The following NKAIN2 variants were observed in gnomAD, a reference collection of about 807,000 sequenced individuals.
NKAIN2 encodes the protein sodium/potassium-transporting ATPase subunit beta-1-interacting protein 2.
A neutral mutation model predicts 32.6 loss-of-function variants in NKAIN2; 14 were observed. That is an observed-to-expected ratio of 0.43 (90% CI 0.28 to 0.67). The LOEUF (loss-of-function observed/expected upper bound fraction) is 0.67. Among genes scored for constraint, NKAIN2 ranks in the 30% least tolerant of loss-of-function variants. NKAIN2 has a pLI of 0.17. For synonymous variants in NKAIN2, 80 were observed against 87.2 expected (o/e 0.92, Z 0.46); for missense variants, 198 against 258.3 (o/e 0.77, Z 1.60).
At chr6:124,407,195 G>A (rs1166540168) in intron 3 of NKAIN2, among the ~76,000 whole-genome samples, 4 of 151,818 alleles carry the variant, frequency 2.6e-5, no homozygotes, top group African/African-American at 9.7e-5. Context: ...TTCTGAGCTA[G>A]TTTATTTTTA....
chr6:123,977,864 A>G (rs1452217535), intron 1 of NKAIN2, among the ~76,000 whole-genome samples: 1 of 152,166 alleles, frequency 6.6e-6, no homozygotes, highest in Non-Finnish European at 1.5e-5. Flanking sequence ...CATGGATGAA[A>G]GCACGTATTC....
Position 123,989,608 on chromosome 6 carries a change from A to G in NKAIN2, c.54+185354A>G, listed in dbSNP as rs867475576. On this transcript the variant is annotated intron_variant, in intron 1 of 6. Transcript: ENST00000368417. ...TCATTGCAATCTTTGTCTAATAATT[A>G]CTTGTCACAGTTTTAAGTTTTTGCT... is the stretch of plus-strand genomic sequence containing the variant. 2.0e-5 allele frequency among the ~76,000 whole-genome samples: 3 copies of G among 152,192 alleles called. No homozygotes were observed. The South Asian group carries it at 6.2e-4, about 31-fold the overall frequency.
rs77390914 is a variant in NKAIN2 at position 124,259,855 on chromosome 6, A to G, written c.55-23150A>G. Among the ~76,000 whole-genome samples, 61 of 152,244 alleles carry G rather than the reference A, an allele frequency of 4.0e-4. No individual in the cohort carries two copies. In the East Asian group the frequency reaches 8.5e-3, roughly 21 times the overall value. On this transcript the variant is annotated intron_variant, in intron 1 of 6. Transcript: ENST00000368417. ...TCACCTTTCATCATTCTTCAAGCTT[A>G]TATACAAAAATAGAGTGTTATGGGG...
At chr6:124,280,252 A>G (rs570728560) in intron 1 of NKAIN2, among the ~76,000 whole-genome samples, 6 of 152,308 alleles carry the variant, frequency 3.9e-5, no homozygotes, top group African/African-American at 1.2e-4. Context: ...AAACTAAACA[A>G]AAAAGGAGCT....
At chr6:124,542,609 G>A (rs753064616) in intron 3 of NKAIN2, among the ~76,000 whole-genome samples, 2 of 152,112 alleles carry the variant, frequency 1.3e-5, no homozygotes, top group Non-Finnish European at 2.9e-5. Context: ...TTAAGTTTAG[G>A]TTAGGTAAAG....
intron 1 of NKAIN2, among the ~76,000 whole-genome samples, chr6:124,234,800 C>CA (rs1248037543): frequency 6.6e-6 from 1 of 152,110 alleles, no homozygotes; most frequent in Non-Finnish European, 1.5e-5. Flanking sequence ...CTAAAACTAA[C>CA]AAAAAAGTTG....
At chr6:123,904,909 T>C (rs1245893195) in intron 1 of NKAIN2, among the ~76,000 whole-genome samples, 1 of 152,184 alleles carries the variant, frequency 6.6e-6, no homozygotes, top group Non-Finnish European at 1.5e-5. Context: ...ATCTTCATCC[T>C]CTGGGCTCAA....
At chr6:124,072,218 C>T (rs952145145) in intron 1 of NKAIN2, among the ~76,000 whole-genome samples, 3 of 152,068 alleles carry the variant, frequency 2.0e-5, no homozygotes, top group Non-Finnish European at 4.4e-5. Context: ...AACAAATTAA[C>T]ATAGGAACAG....
At chr6:124,362,312 T>C (rs964507583) in intron 3 of NKAIN2, among the ~76,000 whole-genome samples, 6 of 152,246 alleles carry the variant, frequency 3.9e-5, no homozygotes, top group Non-Finnish European at 8.8e-5. Flanking sequence ...ATTCGACCTA[T>C]TATTAATAAT....
At chr6:124,208,905 GATCAA>G (rs1366764573) in intron 1 of NKAIN2, among the ~76,000 whole-genome samples, 1 of 151,552 alleles carries the variant, frequency 6.6e-6, no homozygotes. Flanking sequence ...AATGTGCAAT[GATCAA>G]ATCAAAGTAC....
intron 3 of NKAIN2, among the ~76,000 whole-genome samples, chr6:124,649,613 AT>A: frequency 6.6e-6 from 1 of 152,302 alleles, no homozygotes; most frequent in South Asian, 2.1e-4. Flanking sequence ...AACACAGTCT[AT>A]GATGCTAGCA....
intron 4 of NKAIN2, among the ~76,000 whole-genome samples, chr6:124,701,522 A>C (rs2114570017): frequency 6.6e-6 from 1 of 152,280 alleles, no homozygotes; most frequent in South Asian, 2.1e-4. Flanking sequence ...TAAATAATAA[A>C]CTGAAAACAA....
intron 1 of NKAIN2, among the ~76,000 whole-genome samples, chr6:124,270,089 T>C (rs1485354762): frequency 5.3e-5 from 8 of 152,148 alleles, no homozygotes; most frequent in Admixed American, 5.2e-4. Context: ...GACACCAGCA[T>C]GCAGGTCACT....
At chr6:124,677,673 CAT>C (rs1190041948) in intron 4 of NKAIN2, among the ~76,000 whole-genome samples, 1 of 152,010 alleles carries the variant, frequency 6.6e-6, no homozygotes, top group Non-Finnish European at 1.5e-5. Flanking sequence ...TATCTATTAA[CAT>C]ATTTTTATAG....
At chr6:124,283,874 T>C (rs1795424591) in intron 2 of NKAIN2, among the ~76,000 whole-genome samples, 1 of 152,198 alleles carries the variant, frequency 6.6e-6, no homozygotes, top group Admixed American at 6.5e-5. Context: ...GAAATGTCTA[T>C]AGGCATTTAT....
chr6:124,319,974 G>A (rs1031174960), intron 2 of NKAIN2, among the ~76,000 whole-genome samples: 4 of 152,074 alleles, frequency 2.6e-5, no homozygotes, highest in East Asian at 1.9e-4. Context: ...AAAAAAATAC[G>A]TTGAAAGATG....
chr6:124,708,649 T>A (rs945854356), intron 4 of NKAIN2, among the ~76,000 whole-genome samples: 2 of 151,832 alleles, frequency 1.3e-5, no homozygotes, highest in African/African-American at 4.8e-5. Context: ...TGTCTGTTGT[T>A]GGTGTATAAG....
chr6:124,760,324 T>C (rs111725885), intron 4 of NKAIN2, among the ~76,000 whole-genome samples: 6,218 of 149,070 alleles, frequency 0.042, 195 homozygotes, highest in South Asian at 0.17. Flanking sequence ...ACCTGGGTGA[T>C]GAAATAATCT....
intron 1 of NKAIN2, among the ~76,000 whole-genome samples, chr6:124,042,848 C>T (rs1781934721): frequency 6.6e-6 from 1 of 151,926 alleles, no homozygotes; most frequent in Non-Finnish European, 1.5e-5. Context: ...TTTGTATTTA[C>T]GTTCATGTAA....
Sources: allele counts gnomAD v4.1 joint callset (sites outside exome capture counted in the v4.1 genomes callset), GRCh38; gene constraint gnomAD v4.1.1; transcripts MANE v1.5; gene names NCBI Gene and HGNC (gene_info 2026-07-23, HGNC 2026-07-21).